The following PDE10A variants were observed in gnomAD, a reference collection of about 807,000 sequenced individuals.
PDE10A encodes the protein phosphodiesterase 10A.
A neutral mutation model predicts 97.7 loss-of-function variants in PDE10A; 39 were observed. That is an observed-to-expected ratio of 0.40 (90% CI 0.31 to 0.52). The LOEUF (loss-of-function observed/expected upper bound fraction) is 0.52, where lower values mean the gene tolerates loss of function less well. PDE10A is among the 20% of genes least tolerant of loss of function. PDE10A has a pLI of 0.56. For synonymous variants in PDE10A, 371 were observed against 376.8 expected (o/e 0.98, Z 0.18); for missense variants, 731 against 1,047.8 (o/e 0.70, Z 4.17).
intron 15 of PDE10A, 96 bp from the exon 16 acceptor site, chr6:165,392,892 T>A: frequency 9.4e-7 from 1 of 1,060,618 alleles, no homozygotes; most frequent in Non-Finnish European, 1.4e-6. Context: ...TCTGTACCCT[T>A]ATACATTTGC....
intron 1 of PDE10A, among the ~76,000 whole-genome samples, chr6:165,967,148 C>A (rs995496316): frequency 3.3e-5 from 5 of 152,188 alleles, no homozygotes; most frequent in African/African-American, 7.2e-5. Flanking sequence ...CACCCCAATG[C>A]CTGTGTCAGA....
At chr6:165,612,838 C>T (rs1787561617) in intron 1 of PDE10A, among the ~76,000 whole-genome samples, 1 of 152,174 alleles carries the variant, frequency 6.6e-6, no homozygotes, top group African/African-American at 2.4e-5. Context: ...AACTATAAAC[C>T]TATCAACACA....
intron 1 of PDE10A, among the ~76,000 whole-genome samples, chr6:165,887,983 T>A (rs1048799042): frequency 3.3e-5 from 5 of 152,180 alleles, no homozygotes; most frequent in Non-Finnish European, 7.3e-5. Context: ...CCATTCCCTC[T>A]CCTCATTAAT....
intron 1 of PDE10A, among the ~76,000 whole-genome samples, chr6:165,692,906 G>A (rs994940454): frequency 6.6e-6 from 1 of 152,086 alleles, no homozygotes; most frequent in South Asian, 2.1e-4. Flanking sequence ...GACTAAATCC[G>A]CAGTGTCTGT....
intron 1 of PDE10A, among the ~76,000 whole-genome samples, chr6:165,794,294 CCACACTCACA>C (rs1163685258): frequency 1.5e-4 from 22 of 150,404 alleles, no homozygotes; most frequent in African/African-American, 5.4e-4. Context: ...GCACTCCCTC[CCACACTCACA>C]CACGCTCACA....
At chr6:165,961,071 C>T (rs1784345234) in intron 1 of PDE10A, among the ~76,000 whole-genome samples, 1 of 151,704 alleles carries the variant, frequency 6.6e-6, no homozygotes, top group Non-Finnish European at 1.5e-5. Context: ...CTGACCCCCT[C>T]TCAGCCTGTC....
intron 18 of PDE10A, among the ~76,000 whole-genome samples, chr6:165,352,952 A>T (rs1782792467): frequency 6.6e-6 from 1 of 152,194 alleles, no homozygotes; most frequent in South Asian, 2.1e-4. Flanking sequence ...ATCTGATCAA[A>T]GACTGTTACC....
At chr6:165,923,716 A>G (rs1782826874) in intron 1 of PDE10A, among the ~76,000 whole-genome samples, 2 of 152,212 alleles carry the variant, frequency 1.3e-5, no homozygotes, top group African/African-American at 4.8e-5. Context: ...GGAAACAGTT[A>G]TACAATTTGG....
intron 17 of PDE10A, among the ~76,000 whole-genome samples, 173 bp from the exon 18 acceptor site, chr6:165,379,539 C>A (rs1022923324): frequency 6.6e-6 from 1 of 152,044 alleles, no homozygotes; most frequent in African/African-American, 2.4e-5. Context: ...ACGAAAACTG[C>A]GTTTTGGTTT....
chr6:165,752,000 A>G (rs1793013693), intron 1 of PDE10A, among the ~76,000 whole-genome samples: 1 of 151,864 alleles, frequency 6.6e-6, no homozygotes, highest in African/African-American at 2.4e-5. Flanking sequence ...AAAACTAGCC[A>G]GGCATGGTGA....
intron 1 of PDE10A, among the ~76,000 whole-genome samples, chr6:165,588,212 G>GA (rs773434046): frequency 1.4e-3 from 202 of 147,868 alleles, no homozygotes; most frequent in Non-Finnish European, 1.5e-3. Context: ...CTTAATATTA[G>GA]AAAAAAATTA....
rs191338582 is a variant in PDE10A at position 165,391,958 on chromosome 6, C to G, written c.2454+688G>C. ...CAGAGGAGAGAAAGGAGGACTCCCT[C>G]TAAGGTGTCAGTAGATACTACCAGG... On this transcript the variant is annotated intron_variant, in intron 16 of 21. Transcript: ENST00000539869. Among the ~76,000 whole-genome samples the G allele has an allele frequency of 2.0e-5, 3 of 152,292 alleles. No homozygotes were observed. In the East Asian group the frequency reaches 5.8e-4, roughly 29 times the overall value.
chr6:165,784,691 A>G (rs548297081), intron 1 of PDE10A, among the ~76,000 whole-genome samples: 1 of 152,298 alleles, frequency 6.6e-6, no homozygotes, highest in South Asian at 2.1e-4. Flanking sequence ...AGAGGGTGGG[A>G]AAACTATGGG....
At chr6:165,538,150 AAGAATAAAATATCTAACTGCTTTAT>A (rs1466600603) in intron 2 of PDE10A, among the ~76,000 whole-genome samples, 2 of 152,106 alleles carry the variant, frequency 1.3e-5, no homozygotes, top group African/African-American at 4.8e-5. Context: ...TACTTATTCT[AAGAATAAAATATCTAACTGCTTTAT>A]TCGTATGAAA....
chr6:165,740,751 T>C (rs1792700966), intron 1 of PDE10A, among the ~76,000 whole-genome samples: 1 of 152,166 alleles, frequency 6.6e-6, no homozygotes, highest in Non-Finnish European at 1.5e-5. Flanking sequence ...GGACAAATAC[T>C]GCATGACCTC....
At chr6:165,518,190 TA>T (rs2128306461) in intron 2 of PDE10A, among the ~76,000 whole-genome samples, 1 of 151,188 alleles carries the variant, frequency 6.6e-6, no homozygotes, top group Non-Finnish European at 1.5e-5. Context: ...CAGAACAAAT[TA>T]ATTAAGGACA....
intron 10 of PDE10A, among the ~76,000 whole-genome samples, chr6:165,427,564 G>C (rs759421363): frequency 1.3e-5 from 2 of 152,174 alleles, no homozygotes; most frequent in South Asian, 4.1e-4. Flanking sequence ...TTCTAAAATT[G>C]ATTGATGATA....
At chr6:165,343,536 G>A (rs373449665) in intron 18 of PDE10A, 34 bp from the exon 19 acceptor site, 7 of 1,427,810 alleles carry the variant, frequency 4.9e-6, no homozygotes, top group Non-Finnish European at 5.9e-6. Context: ...GGTCAGCATA[G>A]CATTTGCACA....
intron 1 of PDE10A, among the ~76,000 whole-genome samples, chr6:165,903,164 G>T (rs138843671): frequency 3.9e-5 from 6 of 152,226 alleles, no homozygotes; most frequent in Non-Finnish European, 7.4e-5. Context: ...GGTGGGGTTC[G>T]GTTTTTACAG....
Sources: allele counts gnomAD v4.1 joint callset (sites outside exome capture counted in the v4.1 genomes callset), GRCh38; gene constraint gnomAD v4.1.1; transcripts MANE v1.5; gene names NCBI Gene and HGNC (gene_info 2026-07-23, HGNC 2026-07-21).